Variants in APLP2 observed in about 807,000 individuals in gnomAD.
APLP2 encodes CDEI box-binding protein.
Under a neutral mutation model 89.9 loss-of-function variants are expected in APLP2, and 53 were observed. That is an observed-to-expected ratio of 0.59 (90% CI 0.47 to 0.74). The LOEUF (loss-of-function observed/expected upper bound fraction) is 0.74, where lower values mean the gene tolerates loss of function less well. APLP2 is among the 30% of genes least tolerant of loss of function. The probability of loss-of-function intolerance (pLI) is 0.00; values close to 1 mark genes in which losing one functional copy is unlikely to be tolerated. For missense variants in APLP2, 973 were observed against 975.9 expected (o/e 1.00, Z 0.04); for synonymous variants, 372 against 348.6 (o/e 1.07, Z -0.75).
At chr11:130,096,365 G>T (rs1205911828) in intron 1 of APLP2, among the ~76,000 whole-genome samples, 1 of 152,196 alleles carries the variant, frequency 6.6e-6, no homozygotes, top group Non-Finnish European at 1.5e-5. Context: ...GTGATTCAGA[G>T]TGCTGGGTAG....
At chr11:130,091,524 C>T (rs1214085943) in intron 1 of APLP2, among the ~76,000 whole-genome samples, 2 of 140,292 alleles carry the variant, frequency 1.4e-5, no homozygotes, top group African/African-American at 2.8e-5. Context: ...CCGGACAGGG[C>T]GGCTGGCCGG....
At chr11:130,085,572 C>T (rs1246461677) in intron 1 of APLP2, among the ~76,000 whole-genome samples, 2 of 152,208 alleles carry the variant, frequency 1.3e-5, no homozygotes, top group Admixed American at 1.3e-4. Context: ...ACTAATCCTT[C>T]TCATAGTCTT....
At chr11:130,076,112 T>C (rs2135348874) in intron 1 of APLP2, among the ~76,000 whole-genome samples, 1 of 152,330 alleles carries the variant, frequency 6.6e-6, no homozygotes, top group South Asian at 2.1e-4. Context: ...TCTCACTCTG[T>C]CATCCAGGCT....
At chr11:130,120,041 G>A (rs1392824482) in intron 3 of APLP2, among the ~76,000 whole-genome samples, 5 of 152,110 alleles carry the variant, frequency 3.3e-5, no homozygotes, top group African/African-American at 4.8e-5. Context: ...GTTTGGATTT[G>A]TCTTAGTGTT....
chr11:130,141,032 A>G lies in APLP2; in HGVS notation c.1924-466A>G, dbSNP rs1335708466. ...CGCCATTCTCCTGCCTCAGCCTCCC[A>G]AGTAGCTGGGACTACAGGCGTCCGC... On this transcript the variant is annotated intron_variant, in intron 14 of 16. Coordinates refer to ENST00000338167, the MANE Select transcript of APLP2 (RefSeq NM_001142276.2). The surrounding 1 kb of genome is among the most constrained non-coding windows in gnomAD (Gnocchi z 4.2). 6.5e-6 allele frequency: 1 copy of G among 154,754 alleles called. No individual in the cohort carries two copies. The highest frequency in any genetic ancestry group is 1.4e-5 in the Non-Finnish European group (1 of 70,394). The allele number at this position is 154,754 out of a possible 1,614,324, so 9.6% of individuals were successfully genotyped here. A position where few individuals can be genotyped will look rare whatever the true frequency, so the allele number is the denominator to read the frequency against.
At chr11:130,107,829 A>G (rs1040240046) in intron 1 of APLP2, among the ~76,000 whole-genome samples, 3 of 152,266 alleles carry the variant, frequency 2.0e-5, no homozygotes, top group Non-Finnish European at 2.9e-5. Context: ...TCAATGCTAC[A>G]GTAAGCAAAA....
chr11:130,070,757 C>A, intron 1 of APLP2: 1 of 1,421,488 alleles, frequency 7.0e-7, no homozygotes, highest in Non-Finnish European at 9.2e-7. Flanking sequence ...GGTGCGTTGA[C>A]CGCTTTCGTG....
At chr11:130,118,883 A>G (rs1949509653) in intron 3 of APLP2, among the ~76,000 whole-genome samples, 3 of 152,186 alleles carry the variant, frequency 2.0e-5, no homozygotes, top group Admixed American at 1.3e-4. Context: ...CTGTGCTAGC[A>G]GTGCTGAGAA....
intron 1 of APLP2, among the ~76,000 whole-genome samples, chr11:130,076,364 T>C (rs7941615): frequency 0.26 from 39,302 of 152,172 alleles, 7,903 homozygotes; most frequent in African/African-American, 0.56. Flanking sequence ...CATGAGCCAC[T>C]GCGGGCCCAG....
chr11:130,137,204 A>T, intron 13 of APLP2: 1 of 1,526,992 alleles, frequency 6.5e-7, no homozygotes, highest in Non-Finnish European at 9.1e-7. Flanking sequence ...TTCTTTTTTA[A>T]TCTCCTTTTG....
intron 3 of APLP2, among the ~76,000 whole-genome samples, chr11:130,116,491 T>C (rs1949179896): frequency 6.6e-6 from 1 of 152,158 alleles, no homozygotes; most frequent in Admixed American, 6.5e-5. Context: ...TCTTTTTCTT[T>C]TTTTCTTTTT....
rs779104604 is a variant in APLP2 at position 130,110,117 on chromosome 11, T to G, written c.280-421T>G. ...TCCCAAAGTGCTGGGATTATAGGCA[T>G]CAGCCACCACTTCTTACCAAGATGA... On this transcript the variant is annotated intron_variant, in intron 2 of 16. Transcript: ENST00000338167. Among the ~76,000 whole-genome samples, 31 of 152,326 alleles carry G rather than the reference T, an allele frequency of 2.0e-4. 1 individual carries two copies. The highest frequency in any genetic ancestry group is 8.3e-4 in the South Asian group (4 of 4,822).
At chr11:130,122,199 T>G (rs1949902998) in intron 5 of APLP2, 106 bp from the exon 6 acceptor site, 2 of 1,345,784 alleles carry the variant, frequency 1.5e-6, no homozygotes, top group African/African-American at 2.9e-5. Flanking sequence ...TGCGTTGAGC[T>G]TATTTCCTGC....
At chr11:130,129,693 C>T (rs1460650996) in intron 10 of APLP2, among the ~76,000 whole-genome samples, 5 of 152,074 alleles carry the variant, frequency 3.3e-5, no homozygotes, top group East Asian at 1.9e-4. Context: ...TTAAGTAAGC[C>T]GGTTAAAGTC....
intron 1 of APLP2, among the ~76,000 whole-genome samples, chr11:130,104,677 T>G (rs1186011248): frequency 6.6e-6 from 1 of 152,174 alleles, no homozygotes; most frequent in Non-Finnish European, 1.5e-5. Context: ...TTTCCTTCTT[T>G]GGGGGAAGCA....
chr11:130,130,469 T>A (rs563555016), intron 11 of APLP2, among the ~76,000 whole-genome samples: 23 of 152,358 alleles, frequency 1.5e-4, no homozygotes, highest in African/African-American at 5.5e-4. Context: ...CTTTTCTAGG[T>A]ATATTTATCA....
At chr11:130,085,610 A>G (rs1403623033) in intron 1 of APLP2, among the ~76,000 whole-genome samples, 1 of 152,204 alleles carries the variant, frequency 6.6e-6, no homozygotes, top group Non-Finnish European at 1.5e-5. Flanking sequence ...GAACATTTTC[A>G]TTTTAACTGT....
rs1392288426 is a variant in APLP2 at position 130,129,728 on chromosome 11, ACTAT to A, written c.1456-306_1456-303del. ...CTTCTCTCTTTGGGTGACACAGGAG[ACTAT>A]CTAGCTTATAGGTGTCAGAGGCTGA... On this transcript the variant is annotated intron_variant, in intron 10 of 16. Transcript: ENST00000338167. Among the ~76,000 whole-genome samples the A allele has an allele frequency of 2.0e-5, 3 of 152,184 alleles. No individual in the cohort carries two copies. The East Asian group carries it at 5.8e-4, about 29-fold the overall frequency.
chr11:130,094,176 C>T (rs1945876221), intron 1 of APLP2, among the ~76,000 whole-genome samples: 1 of 151,756 alleles, frequency 6.6e-6, no homozygotes, highest in South Asian at 2.1e-4. Flanking sequence ...TCCTCAGCCT[C>T]CCAAGTAACT....
Sources: allele counts gnomAD v4.1 joint callset (sites outside exome capture counted in the v4.1 genomes callset), GRCh38; gene constraint gnomAD v4.1.1; non-coding constraint Gnocchi (gnomAD v3.1); transcripts MANE v1.5; gene names NCBI Gene and HGNC (gene_info 2026-07-23, HGNC 2026-07-21).